Variants in PDE10A observed in about 807,000 individuals in gnomAD.
PDE10A encodes the protein cAMP and cAMP-inhibited cGMP 3',5'-cyclic phosphodiesterase 10A.
In PDE10A, 39 loss-of-function variants were observed where a neutral mutation model predicts 97.7. That is an observed-to-expected ratio of 0.40 (90% CI 0.31 to 0.52). PDE10A has a LOEUF of 0.52. Among genes scored for constraint, PDE10A ranks in the 20% least tolerant of loss-of-function variants. The pLI is 0.56. For synonymous variants in PDE10A, 371 were observed against 376.8 expected, an observed-to-expected ratio of 0.98 and a Z score of 0.18; for missense variants, 731 against 1,047.8, an observed-to-expected ratio of 0.70 and a Z score of 4.17.
At chr6:165,697,730 C>T (rs752842763) in intron 1 of PDE10A, among the ~76,000 whole-genome samples, 2 of 152,070 alleles carry the variant, frequency 1.3e-5, no homozygotes, top group African/African-American at 2.4e-5. Context: ...ATTGGAAGTA[C>T]TTAATGGGTG....
chr6:165,954,521 A>G (rs1784070773), intron 1 of PDE10A, among the ~76,000 whole-genome samples: 1 of 152,212 alleles, frequency 6.6e-6, no homozygotes. Flanking sequence ...CCAGCAGAGC[A>G]TAAAACAGGG....
At chr6:165,882,507 A>G (rs1781510143) in intron 1 of PDE10A, among the ~76,000 whole-genome samples, 2 of 152,182 alleles carry the variant, frequency 1.3e-5, no homozygotes, top group African/African-American at 4.8e-5. Context: ...ACTGGCTTAA[A>G]AAGGATAACA....
intron 1 of PDE10A, among the ~76,000 whole-genome samples, chr6:165,555,772 C>T (rs751619937): frequency 6.6e-6 from 1 of 152,134 alleles, no homozygotes; most frequent in Non-Finnish European, 1.5e-5. Flanking sequence ...GATACCAAGA[C>T]AGTCTAATGT....
rs74986547 is a variant in PDE10A, at chr6:165,872,266, A to T, written c.-615+115263T>A. The stretch of plus-strand genomic sequence containing the variant: ...CGTTTAATAAATTAAAGCAAATAAA[A>T]CGTTTTTAAGTCAGTAGCCAGAAAC... On this transcript the variant is annotated intron_variant, in intron 1 of 19. Transcript: ENST00000366882. Among the ~76,000 whole-genome samples the T allele has an allele frequency of 9.3e-3, 1,419 of 152,320 alleles. 21 individuals are homozygous for T. Among genetic ancestry groups the T allele is most frequent in the African/African-American group, 0.033 (1,356 of 41,552 alleles).
intron 1 of PDE10A, among the ~76,000 whole-genome samples, chr6:165,584,326 C>T (rs1319858784): frequency 2.6e-5 from 4 of 152,178 alleles, no homozygotes. Context: ...CAGGCACCTC[C>T]ATTCAGCCGC....
chr6:165,984,728 T>G (rs1227589450), intron 1 of PDE10A, among the ~76,000 whole-genome samples: 1 of 152,012 alleles, frequency 6.6e-6, no homozygotes, highest in African/African-American at 2.4e-5. Flanking sequence ...AAAAGTAACT[T>G]AAGAAATGCC....
In PDE10A at chr6:165,702,089, C is replaced by T. The variant is rs557223536; in HGVS notation, c.-614-158521G>A. On this transcript the variant is annotated intron_variant, in intron 1 of 19. Coordinates refer to the PDE10A transcript ENST00000366882. ...ATGTTACACTATAATTAGATTTTCC[C>T]GTAAGTGGCAAAACCATGTTTGAAC... Among the ~76,000 whole-genome samples the T allele has an allele frequency of 5.9e-5, 9 of 152,240 alleles. No homozygotes were observed. The East Asian group carries it at 7.7e-4, about 13-fold the overall frequency.
intron 1 of PDE10A, among the ~76,000 whole-genome samples, chr6:165,850,055 G>A (rs1780533703): frequency 1.3e-5 from 2 of 152,092 alleles, no homozygotes; most frequent in Non-Finnish European, 2.9e-5. Context: ...TAATCACACG[G>A]AATCTTGAAG....
intron 1 of PDE10A, among the ~76,000 whole-genome samples, chr6:165,570,405 A>T (rs899422668): frequency 1.3e-5 from 2 of 152,218 alleles, no homozygotes; most frequent in Admixed American, 6.5e-5. Context: ...ATAAATGGAC[A>T]GTCCTTGAGT....
At chr6:165,713,090 C>CGCACACGTGAACTCAAAGTCAGCGAG (rs1791942030) in intron 1 of PDE10A, among the ~76,000 whole-genome samples, 1 of 152,190 alleles carries the variant, frequency 6.6e-6, no homozygotes, top group Non-Finnish European at 1.5e-5. Context: ...GAGAGAGTGC[C>CGCACACGTGAACTCAAAGTCAGCGAG]GCACACGTGA....
intron 5 of PDE10A, among the ~76,000 whole-genome samples, chr6:165,439,413 C>A (rs1790270689): frequency 6.6e-6 from 1 of 152,140 alleles, no homozygotes; most frequent in Non-Finnish European, 1.5e-5. Context: ...CAAACATTAG[C>A]CACCTCTATC....
chr6:165,807,389 G>A (rs1161794740), intron 1 of PDE10A, among the ~76,000 whole-genome samples: 4 of 152,072 alleles, frequency 2.6e-5, no homozygotes, highest in African/African-American at 4.8e-5. Flanking sequence ...TCAATAAACA[G>A]ATGCAGGGCT....
intron 1 of PDE10A, among the ~76,000 whole-genome samples, chr6:165,881,539 C>T (rs896618355): frequency 5.3e-5 from 8 of 150,146 alleles, no homozygotes; most frequent in Admixed American, 6.6e-5. Context: ...GCTGGGACTA[C>T]AGGTGCGCAC....
At chr6:165,356,512 A>T (rs1211876012) in intron 18 of PDE10A, among the ~76,000 whole-genome samples, 1 of 152,144 alleles carries the variant, frequency 6.6e-6, no homozygotes, top group African/African-American at 2.4e-5. Flanking sequence ...ATTTCCTTAA[A>T]GGTACCTTTT....
At chr6:165,701,769 A>G (rs967489023) in intron 1 of PDE10A, among the ~76,000 whole-genome samples, 2 of 148,116 alleles carry the variant, frequency 1.4e-5, no homozygotes, top group African/African-American at 5.0e-5. Context: ...GCATGTGTGT[A>G]TGTTTGCGTG....
At chr6:165,909,299 T>C (rs1782390570) in intron 1 of PDE10A, among the ~76,000 whole-genome samples, 1 of 152,104 alleles carries the variant, frequency 6.6e-6, no homozygotes, top group Non-Finnish European at 1.5e-5. Flanking sequence ...GAAGTTACCT[T>C]GGGTTTTGAG....
At chr6:165,934,964 A>T (rs971063215) in intron 1 of PDE10A, among the ~76,000 whole-genome samples, 1 of 152,238 alleles carries the variant, frequency 6.6e-6, no homozygotes, top group Non-Finnish European at 1.5e-5. Context: ...GTGTGAAAAA[A>T]ATAGCAAATT....
At chr6:165,795,600 A>AC (rs77014859) in intron 1 of PDE10A, among the ~76,000 whole-genome samples, 10 of 151,614 alleles carry the variant, frequency 6.6e-5, no homozygotes, top group South Asian at 4.2e-4. Flanking sequence ...AAACAAACAA[A>AC]AAAACCAGCA....
chr6:165,897,643 C>G (rs1290021629), intron 1 of PDE10A, among the ~76,000 whole-genome samples: 1 of 151,008 alleles, frequency 6.6e-6, no homozygotes, highest in Non-Finnish European at 1.5e-5. Context: ...AGCCCCCCCA[C>G]CTCCAGGCTT....
Sources: allele counts gnomAD v4.1 joint callset (sites outside exome capture counted in the v4.1 genomes callset), GRCh38; gene constraint gnomAD v4.1.1; transcripts MANE v1.5; gene names NCBI Gene and HGNC (gene_info 2026-07-23, HGNC 2026-07-21).